Variants in CATIP observed in about 807,000 individuals in gnomAD.
CATIP encodes the protein ciliogenesis associated TTC17 interacting protein.
CATIP carries 40 observed loss-of-function variants against 42.5 expected under a neutral mutation model. That is an observed-to-expected ratio of 0.94 (90% CI 0.73 to 1.22). CATIP has a LOEUF of 1.22. Ranked by LOEUF, CATIP falls within the 50% of genes most tolerant of loss-of-function variation. CATIP has a pLI of 0.00. For missense variants in CATIP, 489 were observed against 496.0 expected (o/e 0.99, Z 0.13); for synonymous variants, 222 against 200.2 (o/e 1.11, Z -0.92).
intron 6 of CATIP, among the ~76,000 whole-genome samples, 155 bp downstream of exon 6, chr2:218,363,057 A>G (rs2106314588): frequency 6.6e-6 from 1 of 152,314 alleles, no homozygotes; most frequent in East Asian, 1.9e-4. Context: ...GCAGGAAAGC[A>G]TGTTTGTCTG....
intron 7 of CATIP, 193 bp from the exon 8 acceptor site, chr2:218,366,831 G>A (rs1377320336): frequency 1.7e-6 from 1 of 600,156 alleles, no homozygotes; most frequent in South Asian, 1.8e-5. Context: ...AAGCTCTCTG[G>A]CATCACCCTT....
At chr2:218,361,199 T>G (rs1252618001) in intron 5 of CATIP, among the ~76,000 whole-genome samples, 1 of 151,902 alleles carries the variant, frequency 6.6e-6, no homozygotes, top group Non-Finnish European at 1.5e-5. Context: ...TGTACACTGG[T>G]TCACCAGACG....
intron 2 of CATIP, 168 bp downstream of exon 2, chr2:218,357,355 G>GC (rs1350636622): frequency 1.3e-5 from 9 of 701,230 alleles, no homozygotes; most frequent in African/African-American, 1.1e-4. Context: ...TCAAGGGAAG[G>GC]CCCCCCGGGG....
Position 218,367,778 on chromosome 2 carries a change from G to C in CATIP, c.978G>C (p.Ala326=). 1 of 1,611,820 alleles carries C rather than the reference G, an allele frequency of 6.2e-7. No homozygotes were observed. The highest frequency in any genetic ancestry group is 8.5e-7 in the Non-Finnish European group (1 of 1,179,806). The change falls in exon 10 of 10, where the codon GCG becomes GCC. Residue 326 remains alanine (A), a synonymous_variant. Coordinates refer to ENST00000289388, the MANE Select transcript of CATIP (RefSeq NM_198559.2). ...TGCGGCAGCACCCCGAAGCCCACGC[G>C]CTCATCTCCGACTTCCTGCTCTTCC... The part of the protein sequence containing the change: ...SYLRQHPEAH[A]LISDFLLFLL...
At chr2:218,364,537 A>G (rs1695356188) in intron 6 of CATIP, 91 bp from the exon 7 acceptor site, 1 of 1,521,452 alleles carries the variant, frequency 6.6e-7, no homozygotes, top group South Asian at 1.2e-5. Flanking sequence ...TGAGGTTGTT[A>G]TGAGATGGAG....
At position 218,357,571 on chromosome 2, in the gene CATIP, G is replaced by T. The variant is rs192851347; in HGVS notation, c.156G>T (p.Thr52=). The T allele has an allele frequency of 5.0e-6, 8 of 1,613,852 alleles. No individual in the cohort carries two copies. In the African/African-American group the frequency reaches 8.0e-5, roughly 16 times the overall value. The change falls in exon 3 of 10, where the codon ACG becomes ACT. Residue 52 remains threonine, a synonymous_variant. Coordinates refer to ENST00000289388, the MANE Select transcript of CATIP (RefSeq NM_198559.2). ...EELQMLFFSE[T]LAMVSDTGEP... ...TACAGATGCTGTTCTTCTCTGAGAC[G>T]CTGGCCATGGTCTCAGACACCGGGG... is the stretch of plus-strand genomic sequence containing the variant.
At chr2:218,358,510 G>A (rs1290086174) in intron 4 of CATIP, among the ~76,000 whole-genome samples, 3 of 151,854 alleles carry the variant, frequency 2.0e-5, no homozygotes, top group East Asian at 1.9e-4. Context: ...GCCGTGAGCC[G>A]AGATCGCGCC....
At chr2:218,367,656 G>A in intron 9 of CATIP, 66 bp from the exon 10 acceptor site, 1 of 1,578,634 alleles carries the variant, frequency 6.3e-7, no homozygotes, top group Non-Finnish European at 8.6e-7. Flanking sequence ...CTTGGAGCGA[G>A]CGGCTGGGGG....
chr2:218,358,883 C>CA (rs34797850), intron 4 of CATIP, among the ~76,000 whole-genome samples: 92,417 of 123,280 alleles, frequency 0.75, 34,504 homozygotes, highest in Admixed American at 0.83. Context: ...GACCCTGTCT[C>CA]AAAAAAAAAA....
At chr2:218,357,226 G>T in intron 2 of CATIP, 39 bp downstream of exon 2, 1 of 1,470,394 alleles carries the variant, frequency 6.8e-7, no homozygotes, top group South Asian at 1.2e-5. Context: ...GTGCGGGAGG[G>T]GTGCAAGTCT....
At position 218,357,133 on chromosome 2, in the gene CATIP, T is replaced by C. The variant is rs202093757; in HGVS notation, c.64T>C (p.Cys22Arg). 6.2e-7 allele frequency: 1 copy of C among 1,613,806 alleles called. No individual in the cohort carries two copies. The highest frequency in any genetic ancestry group is 1.1e-5 in the South Asian group (1 of 91,060). Residue 22 changes from cysteine (C) to arginine (R), a missense_variant, in exon 2 of 10, where the codon TGT becomes CGT. By Grantham distance (180) the Cys-to-Arg change is radical. Transcript: ENST00000289388. Reference protein sequence around the residue: ...AKDHQPSGPECLPLPEANAEA... With the variant: ...AKDHQPSGPERLPLPEANAEA... ...GGACCACCAGCCCTCGGGTCCGGAG[T>C]GTCTGCCACTCCCAGAGGCCAATGC...
chr2:218,357,209 G>A, intron 2 of CATIP, 22 bp downstream of exon 2: 1 of 1,591,646 alleles, frequency 6.3e-7, no homozygotes, highest in Non-Finnish European at 8.6e-7. Context: ...CAGTGTCGGG[G>A]TTGGGGGTGC....
chr2:218,357,361 C>A, intron 2 of CATIP, 173 bp from the exon 3 acceptor site: 3 of 709,506 alleles, frequency 4.2e-6, no homozygotes, highest in African/African-American at 1.8e-5. Flanking sequence ...GAAGGCCCCC[C>A]GGGGACATGG....
In CATIP at chr2:218,367,712, C is replaced by CA. The variant is rs1181459423; in HGVS notation, c.922-10_922-9insA. The CA allele has an allele frequency of 2.5e-6, 4 of 1,589,304 alleles. No homozygotes were observed. In the East Asian group the frequency reaches 9.2e-5, roughly 36 times the overall value. On this transcript the variant is annotated splice_polypyrimidine_tract_variant and intron_variant, in intron 9 of 9. Transcript: ENST00000289388. ...CGTCCGGCTGAGGCTCGGGCTCTGT[C>CA]CCCTGCCAGGAGGAGCTCCGGCTCG...
intron 5 of CATIP, among the ~76,000 whole-genome samples, chr2:218,362,302 G>A (rs1402098028): frequency 4.1e-5 from 6 of 147,852 alleles, no homozygotes; most frequent in Non-Finnish European, 8.9e-5. Context: ...GCAGTGAGCT[G>A]AGATCGCACC....
chr2:218,357,291 T>TCTC, intron 2 of CATIP, 104 bp downstream of exon 2: 1 of 338,106 alleles, frequency 3.0e-6, no homozygotes. Flanking sequence ...CTCTCTCTCT[T>TCTC]CCTTGATTCT....
chr2:218,362,682 G>C (rs1167093822), intron 5 of CATIP, 53 bp from the exon 6 acceptor site: 14 of 1,568,816 alleles, frequency 8.9e-6, no homozygotes, highest in Middle Eastern at 1.7e-4. Flanking sequence ...CCACCCTCCT[G>C]TCCCCTGCCC....
At position 218,356,859 on chromosome 2, in the gene CATIP, A is replaced by G. The variant is rs1360327926; in HGVS notation, c.-26A>G. The G allele has an allele frequency of 2.5e-6, 4 of 1,614,122 alleles. No individual in the cohort carries two copies. Among genetic ancestry groups the G allele is most frequent in the Non-Finnish European group, 1.7e-6 (2 of 1,179,992 alleles). On this transcript the variant is annotated 5_prime_UTR_variant, in exon 1 of 10. Transcript: ENST00000289388. ...GGTTGCCATGGAGACAGCTGGACAC[A>G]GACCGGGTAGAGGCAGGCCCACAGC...
rs1305671554 is a variant in CATIP, at chr2:218,360,471, ACAATCTTTAAACCT to A, written c.376-99_376-86del. 1.0e-5 allele frequency: 9 copies of A among 892,712 alleles called. No homozygotes were observed. The East Asian group carries it at 2.3e-4, about 23-fold the overall frequency. The allele number at this position is 892,712 out of a possible 1,614,324, so 55.3% of individuals were successfully genotyped here. ...GGCCCGGCTGCTTTTTTTTTAAGTC[ACAATCTTTAAACCT>A]CAGTTTTCTCATTAATGGAGAAGGG... On this transcript the variant is annotated intron_variant, in intron 4 of 9. Transcript: ENST00000289388.
Sources: gnomAD v4.1 joint callset for allele counts (sites outside exome capture counted in the v4.1 genomes callset) on GRCh38, gnomAD v4.1.1 for gene constraint, MANE v1.5 for transcripts, NCBI Gene and HGNC (gene_info 2026-07-23, HGNC 2026-07-21) for gene names.